The following SHLD2 variants were observed in gnomAD, a reference collection of about 807,000 sequenced individuals.
The protein encoded by SHLD2 is RINN1-REV7-interacting novel NHEJ regulator 2.
In SHLD2, 30 loss-of-function variants were observed where a neutral mutation model predicts 73.2. That is an observed-to-expected ratio of 0.41 (90% CI 0.31 to 0.56). The LOEUF (loss-of-function observed/expected upper bound fraction) is 0.56. SHLD2 is among the 20% of genes least tolerant of loss of function. The probability of loss-of-function intolerance (pLI) is 0.28; values close to 1 mark genes in which losing one functional copy is unlikely to be tolerated. For missense variants in SHLD2, 745 were observed against 1,055.9 expected (o/e 0.71, Z 4.08); for synonymous variants, 285 against 370.1 (o/e 0.77, Z 2.64).
intron 4 of SHLD2, among the ~76,000 whole-genome samples, chr10:87,167,718 C>T (rs1368755641): frequency 6.6e-6 from 1 of 152,196 alleles, no homozygotes; most frequent in Non-Finnish European, 1.5e-5. Context: ...GATCATGGCT[C>T]ACTGCAGCCT....
intron 2 of SHLD2, among the ~76,000 whole-genome samples, chr10:87,108,209 C>T (rs1842720240): frequency 6.6e-6 from 1 of 152,172 alleles, no homozygotes; most frequent in South Asian, 2.1e-4. Context: ...GTCACCACAC[C>T]AGGCCAATTT....
At chr10:87,177,897 A>T (rs554457666) in intron 7 of SHLD2, among the ~76,000 whole-genome samples, 61 of 152,316 alleles carry the variant, frequency 4.0e-4, no homozygotes, top group African/African-American at 1.3e-3. Flanking sequence ...AAATTTACAA[A>T]ATGATAGGAT....
chr10:87,189,179 T>G (rs1274037017), intron 9 of SHLD2, among the ~76,000 whole-genome samples: 2 of 152,208 alleles, frequency 1.3e-5, no homozygotes, highest in Non-Finnish European at 2.9e-5. Flanking sequence ...TTTTGTATTT[T>G]TAGTAGATAT....
In SHLD2 at chr10:87,158,787, A is replaced by G. The variant is rs140884809; in HGVS notation, c.1633+632A>G. Among the ~76,000 whole-genome samples the G allele has an allele frequency of 4.4e-3, 666 of 152,362 alleles. 6 individuals carry two copies. The highest frequency in any genetic ancestry group is 0.015 in the African/African-American group (631 of 41,598). On this transcript the variant is annotated intron_variant, in intron 4 of 9. Transcript: ENST00000298786. ...AAGAAAACAAAGTAAGGGAAACAGT[A>G]TAAACTTGTGGTTATGGTCACTGGA...
At chr10:87,146,807 A>C (rs1186280116) in intron 2 of SHLD2, among the ~76,000 whole-genome samples, 1 of 151,870 alleles carries the variant, frequency 6.6e-6, no homozygotes, top group Non-Finnish European at 1.5e-5. Flanking sequence ...CTCTAATCTC[A>C]GCACTTTGGG....
chr10:87,145,569 T>A (rs1845545129), intron 2 of SHLD2, among the ~76,000 whole-genome samples: 2 of 151,924 alleles, frequency 1.3e-5, no homozygotes, highest in Non-Finnish European at 2.9e-5. Flanking sequence ...AAGGCATTAC[T>A]ACAGGGAGTT....
intron 6 of SHLD2, among the ~76,000 whole-genome samples, chr10:87,175,614 G>T (rs1847903592): frequency 6.6e-6 from 1 of 151,938 alleles, no homozygotes; most frequent in Admixed American, 6.6e-5. Context: ...AACCTGGGAG[G>T]TGGAGGTTTC....
At chr10:87,098,666 G>A (rs1338636002) in intron 2 of SHLD2, among the ~76,000 whole-genome samples, 3 of 152,148 alleles carry the variant, frequency 2.0e-5, no homozygotes, top group Admixed American at 6.5e-5. Flanking sequence ...TTAAGTATTT[G>A]TTCCATTTAG....
chr10:87,184,741 TCG>T (rs1848511999), intron 8 of SHLD2, among the ~76,000 whole-genome samples: 1 of 152,180 alleles, frequency 6.6e-6, no homozygotes, highest in African/African-American at 2.4e-5. Context: ...TAGGATGTTC[TCG>T]AATGTCTTCC....
rs372976091 is a variant in SHLD2 at position 87,114,682 on chromosome 10, G to A, written c.-6+17693G>A. 2.2e-4 allele frequency among the ~76,000 whole-genome samples: 34 copies of A among 152,126 alleles called. No individual in the cohort carries two copies. In the East Asian group the frequency reaches 5.6e-3, roughly 25 times the overall value. On this transcript the variant is annotated intron_variant, in intron 2 of 9. Transcript: ENST00000298786. ...GGAGGTTGCAGTGAGCCGAGATTGC[G>A]CCACTGCACTCCAGCCTGGGCGACA...
intron 2 of SHLD2, among the ~76,000 whole-genome samples, chr10:87,116,531 G>C (rs1843266302): frequency 1.3e-5 from 2 of 152,112 alleles, no homozygotes; most frequent in Non-Finnish European, 2.9e-5. Flanking sequence ...AAGTGTTTGG[G>C]TGGCAGGTGA....
chr10:87,111,966 G>A (rs546210602), intron 2 of SHLD2, among the ~76,000 whole-genome samples: 3 of 151,708 alleles, frequency 2.0e-5, no homozygotes, highest in Non-Finnish European at 4.4e-5. Context: ...GGCCAGGTGC[G>A]GTAGCTCACG....
chr10:87,125,467 G>A (rs1843930234), intron 2 of SHLD2, among the ~76,000 whole-genome samples: 1 of 152,258 alleles, frequency 6.6e-6, no homozygotes, highest in Admixed American at 6.5e-5. Context: ...TGGGTGTGGT[G>A]GCTGACGCCT....
chr10:87,152,858 G>A lies in SHLD2; in HGVS notation c.1504G>A (p.Gly502Arg). The A allele has an allele frequency of 6.2e-7, 1 of 1,611,284 alleles. No individual in the cohort carries two copies. Among genetic ancestry groups the A allele is most frequent in the Non-Finnish European group, 8.5e-7 (1 of 1,179,672 alleles). The change falls in exon 3 of 10, where the codon GGA becomes AGA. Residue 502 changes from glycine to arginine, a missense_variant. Around this residue, in one of 5 missense-constraint regions of SHLD2, gnomAD observed 418 missense variants for 567.8 expected, o/e 0.74. Transcript: ENST00000298786. ...AAFWAFTVFL[G>R]DIILLTDVVI... is the part of the protein sequence containing the mutation. Reference sequence around the variant, plus strand: ...ATTTTGGGCATTTACAGTGTTTCTTGGAGATATAATTTTACTCACAGGTGA... The same window carrying A: ...ATTTTGGGCATTTACAGTGTTTCTTAGAGATATAATTTTACTCACAGGTGA...
At chr10:87,136,921 C>A (rs2984880) in intron 2 of SHLD2, among the ~76,000 whole-genome samples, 48,453 of 152,094 alleles carry the variant, frequency 0.32, 8,476 homozygotes, top group East Asian at 0.74. Context: ...TGTCAAATTA[C>A]AGCTGCATCA....
At chr10:87,143,077 A>G (rs1261980887) in intron 2 of SHLD2, among the ~76,000 whole-genome samples, 4 of 151,446 alleles carry the variant, frequency 2.6e-5, no homozygotes, top group African/African-American at 9.7e-5. Context: ...CTACAGGCAC[A>G]TACCACCCTA....
In SHLD2 at chr10:87,179,089, G is replaced by T. The variant is rs1479045120; in HGVS notation, c.2171-986G>T. On this transcript the variant is annotated intron_variant, in intron 7 of 9. Transcript: ENST00000298786. ...TGACTATGGAGAAAGGGAGAATAAT[G>T]CTCAGGAAAACTCATAGACCTCACC... is the stretch of plus-strand genomic sequence containing the variant. Among the ~76,000 whole-genome samples the T allele has an allele frequency of 3.9e-5, 6 of 152,314 alleles. No individual in the cohort carries two copies. In the East Asian group the frequency reaches 1.2e-3, roughly 29 times the overall value.
At chr10:87,102,755 C>T (rs544739978) in intron 2 of SHLD2, among the ~76,000 whole-genome samples, 22 of 152,156 alleles carry the variant, frequency 1.4e-4, no homozygotes, top group Non-Finnish European at 2.9e-4. Context: ...TGAAGAGATA[C>T]GGTTTCCCTA....
intron 2 of SHLD2, among the ~76,000 whole-genome samples, chr10:87,106,781 G>A (rs1842623158): frequency 6.6e-6 from 1 of 152,162 alleles, no homozygotes; most frequent in South Asian, 2.1e-4. Context: ...ACATAGGCAA[G>A]TGGATTAAAA....
Sources: allele counts gnomAD v4.1 joint callset (sites outside exome capture counted in the v4.1 genomes callset), GRCh38; gene constraint gnomAD v4.1.1; regional missense constraint gnomAD v4.1.1; transcripts MANE v1.5; gene names NCBI Gene and HGNC (gene_info 2026-07-23, HGNC 2026-07-21).